The following COLEC12 variants were observed in gnomAD, a reference collection of about 807,000 sequenced individuals.
COLEC12 encodes collectin-12.
A neutral mutation model predicts 71.1 loss-of-function variants in COLEC12; 33 were observed. The ratio of observed to expected loss-of-function variants is 0.46; its 90% confidence interval spans 0.35 to 0.62. The LOEUF is 0.62. Among genes scored for constraint, COLEC12 ranks in the 20% least tolerant of loss-of-function variants. The pLI is 0.00. For missense variants in COLEC12, 765 were observed against 916.1 expected (o/e 0.84, Z 2.13); for synonymous variants, 350 against 353.0 (o/e 0.99, Z 0.10).
At chr18:499,249 C>T (rs1917771956) in intron 1 of COLEC12, among the ~76,000 whole-genome samples, 1 of 152,140 alleles carries the variant, frequency 6.6e-6, no homozygotes, top group Admixed American at 6.5e-5. Flanking sequence ...GCAGTTGTAT[C>T]GTGTCTTTTG....
In COLEC12 at chr18:385,203, A is replaced by G. The variant is rs1037205206; in HGVS notation, c.59-27681T>C. ...ACGTAGTGTTGTCCTTTTGGGCATT[A>G]TAAGAAAGATCAGGTTAAAAAAATA... On this transcript the variant is annotated intron_variant, in intron 2 of 9. Coordinates refer to ENST00000400256, the MANE Select transcript of COLEC12 (RefSeq NM_130386.3). Among the ~76,000 whole-genome samples, 25 of 152,318 alleles carry G rather than the reference A, an allele frequency of 1.6e-4. 1 individual carries two copies. The highest frequency in any genetic ancestry group is 6.0e-4 in the African/African-American group (25 of 41,552).
intron 8 of COLEC12, among the ~76,000 whole-genome samples, chr18:330,537 G>A (rs1257345009): frequency 6.7e-6 from 1 of 149,324 alleles, no homozygotes; most frequent in Admixed American, 6.7e-5. Flanking sequence ...TGCTTCATTT[G>A]TTACAGTTCC....
At chr18:437,161 A>G (rs927783564) in intron 2 of COLEC12, among the ~76,000 whole-genome samples, 2 of 152,214 alleles carry the variant, frequency 1.3e-5, no homozygotes, top group African/African-American at 4.8e-5. Context: ...CCAGGACCCT[A>G]CATTTTCAGA....
At chr18:320,742 A>G (rs1913683588) in intron 9 of COLEC12, among the ~76,000 whole-genome samples, 1 of 152,170 alleles carries the variant, frequency 6.6e-6, no homozygotes, top group Non-Finnish European at 1.5e-5. Flanking sequence ...ACCCATTAGC[A>G]TTCATTCCCC....
At chr18:385,127 C>G (rs780105990) in intron 2 of COLEC12, among the ~76,000 whole-genome samples, 12 of 152,122 alleles carry the variant, frequency 7.9e-5, no homozygotes, top group Non-Finnish European at 1.5e-4. Flanking sequence ...ATCTGTTTAT[C>G]TAGGTCAAAT....
intron 2 of COLEC12, among the ~76,000 whole-genome samples, chr18:458,423 T>C (rs1279822932): frequency 6.6e-6 from 1 of 152,204 alleles, no homozygotes; most frequent in South Asian, 2.1e-4. Flanking sequence ...CCCAGACAAC[T>C]GAGAACACAC....
intron 1 of COLEC12, among the ~76,000 whole-genome samples, chr18:484,325 A>C (rs369077521): frequency 6.6e-6 from 1 of 152,216 alleles, no homozygotes; most frequent in East Asian, 1.9e-4. Context: ...TGAGGAGTTC[A>C]AGAAAACAAA....
chr18:423,374 G>C (rs528309993), intron 2 of COLEC12, among the ~76,000 whole-genome samples: 1 of 152,112 alleles, frequency 6.6e-6, no homozygotes, highest in African/African-American at 2.4e-5. Flanking sequence ...CTCAAGTCTA[G>C]AATACACAGG....
chr18:472,564 G>A (rs990908375), intron 2 of COLEC12, among the ~76,000 whole-genome samples: 2 of 151,270 alleles, frequency 1.3e-5, no homozygotes, highest in Non-Finnish European at 2.9e-5. Flanking sequence ...GCATGTGCTT[G>A]TGGTCCCAGC....
chr18:330,665 CT>C (rs1913954267), intron 8 of COLEC12, among the ~76,000 whole-genome samples: 1 of 152,006 alleles, frequency 6.6e-6, no homozygotes, highest in African/African-American at 2.4e-5. Flanking sequence ...CTAACACCCC[CT>C]AGGGTAGGAT....
chr18:435,414 TATAAAACCACCAGATCTCGTGAG>T lies in COLEC12; in HGVS notation c.58+45270_58+45292del, dbSNP rs535892893. Among the ~76,000 whole-genome samples, 47 of 152,224 alleles carry T rather than the reference TATAAAACCACCAGATCTCGTGAG, an allele frequency of 3.1e-4. No homozygotes were observed. In the East Asian group the frequency reaches 8.7e-3, roughly 28 times the overall value. On this transcript the variant is annotated intron_variant, in intron 2 of 9. Coordinates refer to ENST00000400256, the MANE Select transcript of COLEC12 (RefSeq NM_130386.3). The stretch of plus-strand genomic sequence containing the variant: ...CCAAGCAGGGGAAATGCCAGATGCT[TATAAAACCACCAGATCTCGTGAG>T]ATGCACTCATTATCACAAGAACAGC...
chr18:481,733 T>C (rs1917421170), intron 1 of COLEC12, among the ~76,000 whole-genome samples: 1 of 151,996 alleles, frequency 6.6e-6, no homozygotes. Context: ...AGAGATGTTT[T>C]ATCACCCAAC....
At chr18:402,852 G>A (rs1441041153) in intron 2 of COLEC12, among the ~76,000 whole-genome samples, 1 of 152,000 alleles carries the variant, frequency 6.6e-6, no homozygotes, top group Non-Finnish European at 1.5e-5. Flanking sequence ...CGTCTCTCAG[G>A]AAGAGTCAGT....
At chr18:469,525 C>G (rs1917152988) in intron 2 of COLEC12, among the ~76,000 whole-genome samples, 1 of 152,146 alleles carries the variant, frequency 6.6e-6, no homozygotes, top group Admixed American at 6.5e-5. Flanking sequence ...TGACCCTTTC[C>G]CAAGAGTCCT....
intron 2 of COLEC12, among the ~76,000 whole-genome samples, chr18:444,850 C>T (rs1178414316): frequency 1.3e-5 from 2 of 152,128 alleles, no homozygotes; most frequent in Admixed American, 1.3e-4. Flanking sequence ...GGTCTCAAAC[C>T]TATAGTAATT....
intron 8 of COLEC12, among the ~76,000 whole-genome samples, chr18:323,627 A>T (rs1913768053): frequency 6.6e-6 from 1 of 152,182 alleles, no homozygotes; most frequent in Non-Finnish European, 1.5e-5. Context: ...TCTTCTGGAG[A>T]TGTCAACAAT....
chr18:407,862 A>G (rs555984464), intron 2 of COLEC12, among the ~76,000 whole-genome samples: 13 of 152,364 alleles, frequency 8.5e-5, no homozygotes, highest in African/African-American at 3.1e-4. Flanking sequence ...CAGGGACTTT[A>G]AAAATAGCTG....
chr18:492,572 T>C lies in COLEC12; in HGVS notation c.7+7936A>G, dbSNP rs190499528. On this transcript the variant is annotated intron_variant, in intron 1 of 9. Coordinates refer to ENST00000400256, the MANE Select transcript of COLEC12 (RefSeq NM_130386.3). Reference sequence around the variant, plus strand: ...TTCTCATCCAGTCATTTTAATCATGTTAATAAGAGAGTCAGAATGAGGCCT... The same window carrying C: ...TTCTCATCCAGTCATTTTAATCATGCTAATAAGAGAGTCAGAATGAGGCCT... Among the ~76,000 whole-genome samples the C allele has an allele frequency of 9.2e-5, 14 of 151,906 alleles. No individual in the cohort carries two copies. In the East Asian group the frequency reaches 2.5e-3, roughly 27 times the overall value.
At chr18:414,148 A>T (rs1426585143) in intron 2 of COLEC12, among the ~76,000 whole-genome samples, 1 of 152,232 alleles carries the variant, frequency 6.6e-6, no homozygotes, top group East Asian at 1.9e-4. Flanking sequence ...GGTAAGGGGT[A>T]CATAGGAACT....
Sources: allele counts gnomAD v4.1 joint callset (sites outside exome capture counted in the v4.1 genomes callset), GRCh38; gene constraint gnomAD v4.1.1; transcripts MANE v1.5; gene names NCBI Gene and HGNC (gene_info 2026-07-23, HGNC 2026-07-21).